The following STIM2 variants were observed in gnomAD, a reference collection of about 807,000 sequenced individuals.
STIM2 encodes stromal interaction molecule 2.
STIM2 carries 31 observed loss-of-function variants against 85.8 expected under a neutral mutation model. That is an observed-to-expected ratio of 0.36 (90% CI 0.27 to 0.49). The LOEUF is 0.49. Among genes scored for constraint, STIM2 ranks in the 20% least tolerant of loss-of-function variants. The pLI is 0.98. For missense variants in STIM2, 841 were observed against 927.6 expected (o/e 0.91, Z 1.21); for synonymous variants, 356 against 331.1 (o/e 1.08, Z -0.82).
intron 10 of STIM2, among the ~76,000 whole-genome samples, chr4:27,014,340 A>C (rs1334440340): frequency 2.0e-5 from 3 of 151,924 alleles, no homozygotes; most frequent in African/African-American, 7.2e-5. Flanking sequence ...CACCTTAGCC[A>C]CCTCCACAAG....
At chr4:26,921,913 CT>C (rs1724811743) in intron 2 of STIM2, among the ~76,000 whole-genome samples, 2 of 152,284 alleles carry the variant, frequency 1.3e-5, no homozygotes, top group South Asian at 4.1e-4. Flanking sequence ...TCGATTAGAG[CT>C]CAGTCAGTAC....
intron 1 of STIM2, among the ~76,000 whole-genome samples, chr4:26,912,171 T>A (rs1052077385): frequency 6.6e-6 from 1 of 152,178 alleles, no homozygotes; most frequent in African/African-American, 2.4e-5. Context: ...TTTAAAAAGT[T>A]CTCTCAGTGG....
At chr4:26,982,668 C>T (rs1309449914) in intron 3 of STIM2, among the ~76,000 whole-genome samples, 2 of 152,144 alleles carry the variant, frequency 1.3e-5, no homozygotes, top group African/African-American at 4.8e-5. Context: ...AGCTGAATTG[C>T]TGTTTAGAAA....
chr4:27,022,581 C>A lies in STIM2; in HGVS notation c.1826C>A (p.Ser609Tyr), dbSNP rs771630845. 6.8e-6 allele frequency: 11 copies of A among 1,612,010 alleles called. No homozygotes were observed. The East Asian group carries it at 2.2e-4, about 33-fold the overall frequency. The change falls in exon 12 of 12, where the codon TCT (serine) becomes TAT (tyrosine). Residue 609 changes from serine (S) to tyrosine (Y), a missense_variant. By Grantham distance (144) the Ser-to-Tyr change is moderately radical. Transcript: ENST00000467087. ...AATTCTTCCATTGGAAGGAAACAGT[C>A]TCCTCCTTTAAGCCTCGAGATATAC... is the stretch of plus-strand genomic sequence containing the variant.
chr4:26,868,804 C>G (rs1722497349), intron 1 of STIM2, among the ~76,000 whole-genome samples: 1 of 152,084 alleles, frequency 6.6e-6, no homozygotes. Context: ...AATTTTTGCT[C>G]TGTTTCCCTG....
At chr4:26,976,040 G>T (rs998229680) in intron 3 of STIM2, among the ~76,000 whole-genome samples, 15 of 152,248 alleles carry the variant, frequency 9.9e-5, no homozygotes, top group Admixed American at 9.8e-4. Flanking sequence ...CTTCGTGGGT[G>T]TGGGACCGCC....
chr4:26,902,128 T>G (rs2109052912), intron 1 of STIM2, among the ~76,000 whole-genome samples: 1 of 152,116 alleles, frequency 6.6e-6, no homozygotes, highest in East Asian at 1.9e-4. Flanking sequence ...TCTGAAGAGA[T>G]ATGGTAGCTG....
intron 1 of STIM2, among the ~76,000 whole-genome samples, chr4:26,903,645 C>T (rs1208869702): frequency 6.6e-6 from 1 of 152,028 alleles, no homozygotes; most frequent in African/African-American, 2.4e-5. Flanking sequence ...CAGCTGTCTT[C>T]ATAATACTAA....
intron 1 of STIM2, among the ~76,000 whole-genome samples, chr4:26,888,321 C>T (rs1447970618): frequency 1.3e-5 from 2 of 152,158 alleles, no homozygotes; most frequent in Non-Finnish European, 2.9e-5. Flanking sequence ...TGAAAACATG[C>T]CAACCCTTTC....
intron 3 of STIM2, among the ~76,000 whole-genome samples, chr4:26,985,729 G>C (rs976210021): frequency 6.6e-5 from 10 of 152,100 alleles, no homozygotes; most frequent in African/African-American, 2.4e-4. Flanking sequence ...CAGGATATCA[G>C]AAGTTGATTT....
chr4:26,861,586 C>A, intron 1 of STIM2: 1 of 559,612 alleles, frequency 1.8e-6, no homozygotes, highest in Non-Finnish European at 2.6e-6. Flanking sequence ...CTCGACGGCA[C>A]TGATTCCCCT....
chr4:26,930,497 GATATAC>G (rs1220429127), intron 2 of STIM2, among the ~76,000 whole-genome samples: 3 of 151,248 alleles, frequency 2.0e-5, no homozygotes, highest in Non-Finnish European at 2.9e-5. Context: ...CAGTTTGTTT[GATATAC>G]ATATATAAAA....
chr4:26,971,424 G>A (rs1355014912), intron 3 of STIM2, among the ~76,000 whole-genome samples: 3 of 152,154 alleles, frequency 2.0e-5, no homozygotes, highest in East Asian at 1.9e-4. Flanking sequence ...TTTTGTATAA[G>A]GTGTAAGGAA....
At chr4:26,930,191 G>A (rs1430200028) in intron 2 of STIM2, among the ~76,000 whole-genome samples, 2 of 152,112 alleles carry the variant, frequency 1.3e-5, no homozygotes, top group African/African-American at 4.8e-5. Context: ...CAATTTTAGT[G>A]AAATTTTGGA....
In STIM2 at chr4:26,947,849, C is replaced by CT. The variant is rs771152507; in HGVS notation, c.283-9762dup. ...AAGTTGTTCCAGAGGCAACTTGACT[C>CT]TGTGTATCAAAAGCCTTATAATCGT... On this transcript the variant is annotated intron_variant, in intron 2 of 11. Coordinates refer to ENST00000467087, the MANE Select transcript of STIM2 (RefSeq NM_020860.4). Among the ~76,000 whole-genome samples, 3 of 152,266 alleles carry CT rather than the reference C, an allele frequency of 2.0e-5. No individual in the cohort carries two copies. The East Asian group carries it at 5.8e-4, about 29-fold the overall frequency.
intron 1 of STIM2, among the ~76,000 whole-genome samples, chr4:26,887,781 A>G (rs1258230761): frequency 6.6e-6 from 1 of 152,218 alleles, no homozygotes; most frequent in African/African-American, 2.4e-5. Context: ...TTGCACTTAA[A>G]ATACTCAAAG....
intron 1 of STIM2, among the ~76,000 whole-genome samples, chr4:26,888,757 G>A (rs369616569): frequency 1.2e-4 from 18 of 152,192 alleles, no homozygotes; most frequent in African/African-American, 4.1e-4. Context: ...GAGCATGGCA[G>A]TAATTACAAG....
chr4:26,972,091 G>A (rs1298214553), intron 3 of STIM2, among the ~76,000 whole-genome samples: 3 of 152,176 alleles, frequency 2.0e-5, no homozygotes, highest in African/African-American at 7.2e-5. Context: ...CATTGATTTT[G>A]TATCCTGACA....
At chr4:26,992,039 G>T (rs991122645) in intron 3 of STIM2, among the ~76,000 whole-genome samples, 1 of 152,040 alleles carries the variant, frequency 6.6e-6, no homozygotes, top group African/African-American at 2.4e-5. Flanking sequence ...ATCAGTGAGA[G>T]GCAGGTAATA....
Sources: allele counts gnomAD v4.1 joint callset (sites outside exome capture counted in the v4.1 genomes callset), GRCh38; gene constraint gnomAD v4.1.1; transcripts MANE v1.5; gene names NCBI Gene and HGNC (gene_info 2026-07-23, HGNC 2026-07-21).